The following MYT1L variants were observed in gnomAD, a reference collection of about 807,000 sequenced individuals.
MYT1L encodes the protein myelin transcription factor 1-like protein.
MYT1L carries 12 observed loss-of-function variants against 126.7 expected under a neutral mutation model. The ratio of observed to expected loss-of-function variants is 0.09; its 90% CI spans 0.06 to 0.15. MYT1L has a LOEUF of 0.15. Ranked by LOEUF, MYT1L falls within the 10% of genes least tolerant of loss-of-function variation. MYT1L has a pLI of 1.00. For synonymous variants in MYT1L, 541 were observed against 604.2 expected (o/e 0.90, Z 1.53); for missense variants, 979 against 1,585.2 (o/e 0.62, Z 6.49).
At position 1,806,346 on chromosome 2, in the gene MYT1L, G is replaced by A. The variant is rs2035717529; in HGVS notation, c.3172+2730C>T. ...ATTAGGATCTGCAGCAAGGGGAACT[G>A]TTTGTCCTAAAACTTAGCACAACAC... On this transcript the variant is annotated intron_variant, in intron 22 of 24. Coordinates refer to ENST00000647738, the MANE Select transcript of MYT1L (RefSeq NM_001303052.2). This position sits in a 1 kb window ranked among gnomAD's most constrained non-coding sequence, Gnocchi z 4.9. 6.6e-6 allele frequency among the ~76,000 whole-genome samples: 1 copy of A among 152,180 alleles called. No individual in the cohort carries two copies. The highest frequency in any genetic ancestry group is 2.4e-5 in the African/African-American group (1 of 41,438).
intron 13 of MYT1L, among the ~76,000 whole-genome samples, chr2:1,907,593 C>T (rs2051260256): frequency 6.6e-6 from 1 of 152,226 alleles, no homozygotes; most frequent in South Asian, 2.1e-4. Flanking sequence ...TACGCCACAC[C>T]CTGACAGAGG....
In MYT1L at chr2:1,937,334, A is replaced by G. The variant is rs1015980898; in HGVS notation, c.505+5648T>C. ...TCAGATCGCACATCAAGAAGGTCCT[A>G]ATGTCTGCAGCCATCAGATCGCACA... On this transcript the variant is annotated intron_variant, in intron 9 of 24. Transcript: ENST00000647738. Among the ~76,000 whole-genome samples, 4 of 152,192 alleles carry G rather than the reference A, an allele frequency of 2.6e-5. No homozygotes were observed. The South Asian group carries it at 6.2e-4, about 24-fold the overall frequency.
intron 3 of MYT1L, among the ~76,000 whole-genome samples, chr2:2,068,319 G>A (rs954280030): frequency 6.6e-6 from 1 of 152,064 alleles, no homozygotes; most frequent in African/African-American, 2.4e-5. Flanking sequence ...AGTGGCTGAA[G>A]CTTTCTCCAG....
At chr2:1,972,238 T>C (rs559091169) in intron 8 of MYT1L, among the ~76,000 whole-genome samples, 3 of 152,182 alleles carry the variant, frequency 2.0e-5, no homozygotes, top group Non-Finnish European at 4.4e-5. Flanking sequence ...CAGCAGACAC[T>C]GCAATGTATT....
In MYT1L at chr2:1,964,657, C is replaced by T. The variant is rs948817200; in HGVS notation, c.152+14508G>A. ...ACTAGATTTATTTTGTGTTATTATA[C>T]ATTTTTAGATACTATTTAAAAAACA... On this transcript the variant is annotated intron_variant, in intron 8 of 24. Coordinates refer to ENST00000647738, the MANE Select transcript of MYT1L (RefSeq NM_001303052.2). Among the ~76,000 whole-genome samples the T allele has an allele frequency of 5.3e-5, 8 of 152,282 alleles. No homozygotes were observed. The South Asian group carries it at 8.3e-4, about 16-fold the overall frequency.
chr2:1,939,689 G>A (rs528965110), intron 9 of MYT1L, among the ~76,000 whole-genome samples: 69 of 152,334 alleles, frequency 4.5e-4, no homozygotes, highest in Non-Finnish European at 8.2e-4. Flanking sequence ...GTTTGATCAC[G>A]TAAAATGACT....
intron 21 of MYT1L, among the ~76,000 whole-genome samples, chr2:1,829,718 C>T (rs1387665737): frequency 8.2e-6 from 1 of 121,524 alleles, no homozygotes; most frequent in Admixed American, 7.5e-5. Context: ...CCCTCCCATA[C>T]ACCTGTGAAT....
chr2:1,956,191 G>GTCTATCTATCTA (rs368487475), intron 8 of MYT1L, among the ~76,000 whole-genome samples: 5,798 of 145,884 alleles, frequency 0.04, 174 homozygotes, highest in Middle Eastern at 0.07. Flanking sequence ...TTACCTAGCT[G>GTCTATCTATCTA]TCTATCTATC....
intron 5 of MYT1L, among the ~76,000 whole-genome samples, chr2:1,994,400 C>T (rs188722263): frequency 1.3e-5 from 2 of 151,944 alleles, no homozygotes; most frequent in Non-Finnish European, 2.9e-5. Context: ...AGCGAGTCCT[C>T]CTGGGGGGCT....
chr2:2,219,598 C>T (rs1193431398), intron 2 of MYT1L, among the ~76,000 whole-genome samples: 1 of 152,242 alleles, frequency 6.6e-6, no homozygotes, highest in Non-Finnish European at 1.5e-5. Flanking sequence ...TAGCTTGTTC[C>T]TCTTCCTTAT....
intron 1 of MYT1L, among the ~76,000 whole-genome samples, chr2:2,328,138 T>A (rs547791270): frequency 6.2e-4 from 94 of 152,328 alleles, no homozygotes; most frequent in Non-Finnish European, 9.6e-4. Flanking sequence ...CTCAATTTTT[T>A]AATTTTAAGT....
chr2:2,039,645 A>T (rs1321463259), intron 4 of MYT1L, among the ~76,000 whole-genome samples: 1 of 152,192 alleles, frequency 6.6e-6, no homozygotes. Flanking sequence ...CCATCAACAA[A>T]ATCAAAGATA....
intron 5 of MYT1L, among the ~76,000 whole-genome samples, chr2:1,992,522 C>T (rs2061524460): frequency 6.6e-6 from 1 of 152,198 alleles, no homozygotes; most frequent in Non-Finnish European, 1.5e-5. Flanking sequence ...CATAAGAACC[C>T]AGAGTGGTTC....
intron 8 of MYT1L, among the ~76,000 whole-genome samples, chr2:1,952,473 G>C (rs1336314249): frequency 6.6e-6 from 1 of 151,954 alleles, no homozygotes; most frequent in Non-Finnish European, 1.5e-5. Context: ...TGGGAGGCTC[G>C]CATGCACGTT....
intron 1 of MYT1L, among the ~76,000 whole-genome samples, chr2:2,286,676 A>T (rs2095525397): frequency 6.6e-6 from 1 of 152,164 alleles, no homozygotes; most frequent in African/African-American, 2.4e-5. Flanking sequence ...GTGGCCTCAC[A>T]TGGTTTGCTA....
intron 8 of MYT1L, among the ~76,000 whole-genome samples, chr2:1,951,995 C>T: frequency 6.6e-6 from 1 of 152,302 alleles, no homozygotes; most frequent in East Asian, 1.9e-4. Context: ...TCAGTTTTAA[C>T]TACATACTTC....
At chr2:2,016,798 G>A (rs1365392846) in intron 4 of MYT1L, among the ~76,000 whole-genome samples, 1 of 152,230 alleles carries the variant, frequency 6.6e-6, no homozygotes. Context: ...AAACCACATA[G>A]GAGCTACCAG....
At chr2:2,043,848 A>G (rs1202181802) in intron 4 of MYT1L, among the ~76,000 whole-genome samples, 1 of 152,238 alleles carries the variant, frequency 6.6e-6, no homozygotes, top group Non-Finnish European at 1.5e-5. Flanking sequence ...TAAAATAAAT[A>G]TTAATTTACA....
intron 8 of MYT1L, among the ~76,000 whole-genome samples, chr2:1,972,196 T>C (rs1007499955): frequency 7.9e-5 from 12 of 152,174 alleles, no homozygotes; most frequent in Admixed American, 3.3e-4. Context: ...GTGTACCCCA[T>C]TGTACAGCAG....
Sources: allele counts gnomAD v4.1 joint callset (sites outside exome capture counted in the v4.1 genomes callset), GRCh38; gene constraint gnomAD v4.1.1; non-coding constraint Gnocchi (gnomAD v3.1); transcripts MANE v1.5; gene names NCBI Gene and HGNC (gene_info 2026-07-23, HGNC 2026-07-21).